Variants in CACNB2 observed in about 807,000 individuals in gnomAD.
The protein encoded by CACNB2 is voltage-dependent L-type calcium channel subunit beta-2.
A neutral mutation model predicts 73.3 loss-of-function variants in CACNB2; 42 were observed. The observed-to-expected ratio is 0.57, with a 90% confidence interval of 0.45 to 0.74. The LOEUF (loss-of-function observed/expected upper bound fraction) is 0.74, where lower values mean the gene tolerates loss of function less well. CACNB2 is among the 30% of genes least tolerant of loss of function. The pLI, the probability that CACNB2 is intolerant of heterozygous loss-of-function variation, is 0.00. For missense variants in CACNB2, 940 were observed against 853.0 expected (o/e 1.10, Z -1.27); for synonymous variants, 348 against 310.3 (o/e 1.12, Z -1.28).
In CACNB2 at chr10:18,542,735, A is replaced by G. The variant is rs2133354329; in HGVS notation, c.*3011A>G. Reference sequence around the variant, plus strand: ...GTGTAGTAAATCTGTAAATGAGGAAATAATCTCAAGGGCAATGGGATATTT... The same window carrying G: ...GTGTAGTAAATCTGTAAATGAGGAAGTAATCTCAAGGGCAATGGGATATTT... On this transcript the variant is annotated 3_prime_UTR_variant, in exon 14 of 14. Coordinates refer to ENST00000324631, the MANE Select transcript of CACNB2 (RefSeq NM_201596.3). 6.6e-6 allele frequency: 1 copy of G among 152,330 alleles called. No individual in the cohort carries two copies. Among genetic ancestry groups the G allele is most frequent in the East Asian group, 1.9e-4 (1 of 5,180 alleles). The allele number at this position is 152,330 out of a possible 1,614,324, so 9.4% of individuals were successfully genotyped here.
chr10:18,423,129 T>G lies in CACNB2; in HGVS notation c.333+21086T>G, dbSNP rs535719457. Among the ~76,000 whole-genome samples, 7 of 99,530 alleles carry G rather than the reference T, an allele frequency of 7.0e-5. No homozygotes were observed. The East Asian group carries it at 2.3e-3, about 33-fold the overall frequency. The allele number at this position is 99,530 out of a possible 152,430, so 65.3% of individuals were successfully genotyped here. A position where few individuals can be genotyped will look rare whatever the true frequency, so the allele number is the denominator to read the frequency against. On this transcript the variant is annotated intron_variant, in intron 3 of 13. Coordinates refer to ENST00000324631, the MANE Select transcript of CACNB2 (RefSeq NM_201596.3). ...TGGAGGTCATCATATTTTGCCATCTTTATCCTTTATCTTACCTGTTTTATG... is the reference window on the plus strand; with the variant it reads ...TGGAGGTCATCATATTTTGCCATCTGTATCCTTTATCTTACCTGTTTTATG...
chr10:18,173,598 G>A (rs1332380970), intron 2 of CACNB2, among the ~76,000 whole-genome samples: 1 of 152,062 alleles, frequency 6.6e-6, no homozygotes, highest in South Asian at 2.1e-4. Flanking sequence ...GGTGGGTTTA[G>A]GGTTCCTTAC....
chr10:18,426,955 A>ATTTTTTTTTTTTTTTTTTTTTTTTT (rs551543429), intron 3 of CACNB2, among the ~76,000 whole-genome samples: 1 of 81,676 alleles, frequency 1.2e-5, no homozygotes, highest in Non-Finnish European at 2.2e-5. Flanking sequence ...CCTTTTCTAC[A>ATTTTTTTTTTTTTTTTTTTTTTTTT]TTTTTTTTTT....
intron 2 of CACNB2, chr10:18,261,371 T>G: frequency 6.4e-7 from 1 of 1,551,338 alleles, no homozygotes; most frequent in Middle Eastern, 1.7e-4. Context: ...ACTATTCGTG[T>G]CTGTCTGGTG....
chr10:18,240,791 T>C (rs2255266), intron 2 of CACNB2, among the ~76,000 whole-genome samples: 114,892 of 151,876 alleles, frequency 0.76, 43,627 homozygotes, highest in Admixed American at 0.81. Flanking sequence ...TCCTTCCCTT[T>C]TCTCCCCCAT....
chr10:18,401,875 C>G, intron 2 of CACNB2, 49 bp from the exon 3 acceptor site: 1 of 1,604,290 alleles, frequency 6.2e-7, no homozygotes, highest in Non-Finnish European at 8.5e-7. Context: ...TTTTCCAATG[C>G]AAACATCATA....
chr10:18,220,150 T>C (rs1487282299), intron 2 of CACNB2, among the ~76,000 whole-genome samples: 8 of 22,500 alleles, frequency 3.6e-4, no homozygotes, highest in African/African-American at 2.6e-3. Flanking sequence ...TATATATATA[T>C]ATATACACAC....
At chr10:18,481,441 T>G (rs2048771435) in intron 3 of CACNB2, among the ~76,000 whole-genome samples, 1 of 150,412 alleles carries the variant, frequency 6.6e-6, no homozygotes, top group Non-Finnish European at 1.5e-5. Flanking sequence ...GAGATGGAGT[T>G]TTACCATGTT....
At chr10:18,253,954 G>C (rs965473433) in intron 2 of CACNB2, among the ~76,000 whole-genome samples, 2 of 152,138 alleles carry the variant, frequency 1.3e-5, no homozygotes, top group Non-Finnish European at 2.9e-5. Context: ...ATTTTTAAAA[G>C]CCCAGAAACT....
chr10:18,192,642 A>G (rs2034453565), intron 2 of CACNB2, among the ~76,000 whole-genome samples: 1 of 152,094 alleles, frequency 6.6e-6, no homozygotes, highest in African/African-American at 2.4e-5. Context: ...ATTTCTTCCT[A>G]TCCTTCCCAT....
intron 3 of CACNB2, among the ~76,000 whole-genome samples, chr10:18,465,109 T>C (rs1485452287): frequency 1.3e-5 from 2 of 152,120 alleles, no homozygotes; most frequent in Non-Finnish European, 2.9e-5. Flanking sequence ...GCAGGCAGAT[T>C]ACCTGAGGTC....
intron 2 of CACNB2, among the ~76,000 whole-genome samples, chr10:18,294,378 C>T (rs1171073896): frequency 6.6e-6 from 1 of 152,192 alleles, no homozygotes; most frequent in Non-Finnish European, 1.5e-5. Flanking sequence ...CATCCTGGTA[C>T]AAGGGTTCGA....
intron 2 of CACNB2, among the ~76,000 whole-genome samples, chr10:18,213,843 A>G (rs2035411103): frequency 6.6e-6 from 1 of 152,258 alleles, no homozygotes; most frequent in Non-Finnish European, 1.5e-5. Flanking sequence ...TGTAGAAGTT[A>G]TTCACATAAC....
At position 18,344,323 on chromosome 10, in the gene CACNB2, C is replaced by A. The variant is rs543090615; in HGVS notation, c.214-57601C>A. Among the ~76,000 whole-genome samples, 135 of 151,858 alleles carry A rather than the reference C, an allele frequency of 8.9e-4. No homozygotes were observed. The South Asian group carries it at 0.011, about 13-fold the overall frequency. On this transcript the variant is annotated intron_variant, in intron 2 of 13. Transcript: ENST00000324631. ...AGTTTGTGGAAAGAGTCATTTTGTG[C>A]AGTCGCAATAGAGATTTGCAGTTAT...
intron 2 of CACNB2, among the ~76,000 whole-genome samples, chr10:18,192,581 G>A (rs1483066500): frequency 6.6e-6 from 1 of 152,050 alleles, no homozygotes. Context: ...TCTCTTTCTA[G>A]TTCCAACACA....
intron 2 of CACNB2, among the ~76,000 whole-genome samples, chr10:18,175,760 G>A (rs977474211): frequency 2.6e-5 from 4 of 152,122 alleles, no homozygotes; most frequent in Non-Finnish European, 4.4e-5. Flanking sequence ...ACCATGCCCT[G>A]CTAATTTTTG....
intron 7 of CACNB2, among the ~76,000 whole-genome samples, chr10:18,516,755 G>T (rs997096255): frequency 2.6e-5 from 4 of 151,840 alleles, no homozygotes; most frequent in Non-Finnish European, 5.9e-5. Flanking sequence ...TATGTTTTAG[G>T]TTGCTTTTAG....
intron 3 of CACNB2, among the ~76,000 whole-genome samples, chr10:18,445,774 C>G (rs957077301): frequency 6.6e-5 from 10 of 152,156 alleles, no homozygotes; most frequent in African/African-American, 2.4e-4. Context: ...TGGCTCACGC[C>G]TGTAATCCCA....
intron 6 of CACNB2, among the ~76,000 whole-genome samples, chr10:18,512,330 G>A (rs1294295750): frequency 6.6e-6 from 1 of 152,102 alleles, no homozygotes; most frequent in East Asian, 1.9e-4. Context: ...GATATCTTGG[G>A]ACCCAGTGTT....
Sources: allele counts gnomAD v4.1 joint callset (sites outside exome capture counted in the v4.1 genomes callset), GRCh38; gene constraint gnomAD v4.1.1; transcripts MANE v1.5; gene names NCBI Gene and HGNC (gene_info 2026-07-23, HGNC 2026-07-21).